The following PRIM2 variants were observed in gnomAD, a reference collection of about 807,000 sequenced individuals.
PRIM2 encodes DNA primase large subunit.
A neutral mutation model predicts 67.3 loss-of-function variants in PRIM2; 39 were observed. The ratio of observed to expected loss-of-function variants is 0.58; its 90% CI spans 0.45 to 0.76. PRIM2 has a LOEUF of 0.76. Among genes scored for constraint, PRIM2 ranks in the 30% least tolerant of loss-of-function variants. The pLI is 0.00. For synonymous variants in PRIM2, 143 were observed against 198.7 expected, an observed-to-expected ratio of 0.72 and a Z score of 2.36; for missense variants, 398 against 598.7, an observed-to-expected ratio of 0.66 and a Z score of 3.50.
At chr6:57,383,308 A>G (rs1470866464) in intron 7 of PRIM2, 1 of 151,900 alleles carries the variant, frequency 6.6e-6, no homozygotes, top group Non-Finnish European at 1.5e-5. Flanking sequence ...TTTAGACCAC[A>G]CTTCTTTGTG....
chr6:57,234,201 T>C, the PRIM2 span, among the ~76,000 whole-genome samples: 1 of 152,140 alleles, frequency 6.6e-6, no homozygotes, highest in Non-Finnish European at 1.5e-5. Context: ...TGAATTTCAA[T>C]GATGATACAG....
At chr6:57,527,505 G>A (rs1445425793) in intron 8 of PRIM2, among the ~76,000 whole-genome samples, 2 of 151,858 alleles carry the variant, frequency 1.3e-5, no homozygotes, top group African/African-American at 2.4e-5. Flanking sequence ...ACCTTTCCTC[G>A]CCTGGATGTA....
chr6:57,279,552 A>G, the PRIM2 span, among the ~76,000 whole-genome samples: 2 of 152,268 alleles, frequency 1.3e-5, no homozygotes, highest in Non-Finnish European at 2.9e-5. Flanking sequence ...TTGGAGAACT[A>G]TATGACTAGA....
At chr6:57,272,731 T>C in the PRIM2 span, among the ~76,000 whole-genome samples, 2 of 152,216 alleles carry the variant, frequency 1.3e-5, no homozygotes, top group South Asian at 4.1e-4. Context: ...TTGGGGGCCT[T>C]TACAATTTGG....
chr6:57,595,317 T>C (rs1776346547), intron 10 of PRIM2, among the ~76,000 whole-genome samples: 1 of 152,196 alleles, frequency 6.6e-6, no homozygotes, highest in African/African-American at 2.4e-5. Flanking sequence ...CCAGTGTGTA[T>C]GGTAGGAAAA....
intron 7 of PRIM2, among the ~76,000 whole-genome samples, chr6:57,468,988 T>A (rs1773273216): frequency 6.6e-6 from 1 of 152,204 alleles, no homozygotes; most frequent in Non-Finnish European, 1.5e-5. Flanking sequence ...TTTTTGTTTG[T>A]AAGCCCTGAA....
chr6:57,422,158 C>CTTTTTTTCTTTTTT (rs1554336526), intron 7 of PRIM2, among the ~76,000 whole-genome samples: 1 of 103,318 alleles, frequency 9.7e-6, no homozygotes, highest in African/African-American at 3.5e-5. Flanking sequence ...TCTTTTCTTT[C>CTTTTTTTCTTTTTT]TTTTTTTTTT....
upstream of PRIM2, among the ~76,000 whole-genome samples, chr6:57,314,517 A>AAAAAC (rs1468268328): frequency 6.6e-6 from 1 of 152,276 alleles, no homozygotes; most frequent in Admixed American, 6.5e-5. Flanking sequence ...CTTCGTCTCA[A>AAAAAC]AAAACAAAAC....
intron 10 of PRIM2, among the ~76,000 whole-genome samples, chr6:57,599,005 G>A (rs1776416683): frequency 1.8e-5 from 1 of 54,518 alleles, no homozygotes; most frequent in African/African-American, 1.3e-4. Flanking sequence ...GGAGTGCAGT[G>A]GCGCGATCTC....
intron 7 of PRIM2, among the ~76,000 whole-genome samples, chr6:57,456,440 G>C (rs1772783604): frequency 6.6e-6 from 1 of 151,942 alleles, no homozygotes; most frequent in Non-Finnish European, 1.5e-5. Flanking sequence ...ACGTAGATTT[G>C]GTCTTTTCAC....
At chr6:57,375,178 A>C (rs1769718270) in intron 5 of PRIM2, among the ~76,000 whole-genome samples, 1 of 152,226 alleles carries the variant, frequency 6.6e-6, no homozygotes, top group African/African-American at 2.4e-5. Context: ...GCTTTTGCCC[A>C]TTCAGTATGA....
intron 10 of PRIM2, among the ~76,000 whole-genome samples, chr6:57,577,508 C>A: frequency 6.7e-6 from 1 of 149,914 alleles, no homozygotes; most frequent in East Asian, 2.0e-4. Flanking sequence ...TGGCTCACTG[C>A]AACCTCCACC....
chr6:57,348,598 T>A (rs1280968055), intron 5 of PRIM2, among the ~76,000 whole-genome samples: 3 of 152,162 alleles, frequency 2.0e-5, no homozygotes, highest in Non-Finnish European at 4.4e-5. Flanking sequence ...TGCTGGATAT[T>A]TTGGCCATCT....
intron 7 of PRIM2, among the ~76,000 whole-genome samples, chr6:57,474,582 T>C (rs1773429310): frequency 6.6e-6 from 1 of 152,090 alleles, no homozygotes; most frequent in Non-Finnish European, 1.5e-5. Context: ...AATACTCTAC[T>C]TGTGGCGGGT....
At chr6:57,291,102 C>T in the PRIM2 span, among the ~76,000 whole-genome samples, 1 of 151,894 alleles carries the variant, frequency 6.6e-6, no homozygotes. Context: ...TAGACCACTA[C>T]CAAGACTAAT....
chr6:57,258,763 T>C, the PRIM2 span, among the ~76,000 whole-genome samples: 1 of 152,142 alleles, frequency 6.6e-6, no homozygotes, highest in African/African-American at 2.4e-5. Flanking sequence ...TCAATAGTCC[T>C]AGAACTCAGA....
chr6:57,241,209 G>C, the PRIM2 span, among the ~76,000 whole-genome samples: 1 of 146,370 alleles, frequency 6.8e-6, no homozygotes, highest in African/African-American at 2.5e-5. Context: ...GGGCGACAGA[G>C]CGAGACTCTG....
At chr6:57,451,793 TAATTA>T (rs1772560481) in intron 7 of PRIM2, among the ~76,000 whole-genome samples, 1 of 151,612 alleles carries the variant, frequency 6.6e-6, no homozygotes, top group South Asian at 2.1e-4. Context: ...TTTTTTTTTT[TAATTA>T]TACTTTAAGT....
chr6:57,454,439 G>T (rs1290687131), intron 7 of PRIM2, among the ~76,000 whole-genome samples: 2 of 152,090 alleles, frequency 1.3e-5, no homozygotes, highest in Non-Finnish European at 1.5e-5. Context: ...TGCTTGGTAA[G>T]GTATTAATTA....
Sources: gnomAD v4.1 joint callset for allele counts (sites outside exome capture counted in the v4.1 genomes callset) on GRCh38, gnomAD v4.1.1 for gene constraint, MANE v1.5 for transcripts, NCBI Gene and HGNC (gene_info 2026-07-23, HGNC 2026-07-21) for gene names.